LHFPL3: variants seen among roughly 807,000 people sequenced by gnomAD.
The protein encoded by LHFPL3 is LHFPL tetraspan subfamily member 3 protein.
A neutral mutation model predicts 19.3 loss-of-function variants in LHFPL3; 5 were observed. The ratio of observed to expected loss-of-function variants is 0.26; its 90% CI spans 0.14 to 0.54. The LOEUF (loss-of-function observed/expected upper bound fraction) is 0.54. Among genes scored for constraint, LHFPL3 ranks in the 20% least tolerant of loss-of-function variants. The probability of loss-of-function intolerance (pLI) is 0.94; values close to 1 mark genes in which losing one functional copy is unlikely to be tolerated. For missense variants in LHFPL3, 249 were observed against 307.4 expected, an observed-to-expected ratio of 0.81 and a Z score of 1.42; for synonymous variants, 133 against 126.2, an observed-to-expected ratio of 1.05 and a Z score of -0.36.
intron 1 of LHFPL3, among the ~76,000 whole-genome samples, chr7:104,637,405 C>A (rs932104716): frequency 1.3e-5 from 2 of 152,026 alleles, no homozygotes; most frequent in African/African-American, 4.8e-5. Flanking sequence ...TTTGTTAATT[C>A]TTGCTTTTGT....
chr7:104,889,746 C>T (rs187833902), intron 2 of LHFPL3, among the ~76,000 whole-genome samples: 2 of 152,274 alleles, frequency 1.3e-5, no homozygotes, highest in East Asian at 3.8e-4. Flanking sequence ...CAGGAGAACT[C>T]TGGAAAGATT....
chr7:104,632,506 T>A (rs1301003998), intron 1 of LHFPL3, among the ~76,000 whole-genome samples: 1 of 152,258 alleles, frequency 6.6e-6, no homozygotes, highest in Non-Finnish European at 1.5e-5. Flanking sequence ...ATAACCTGAT[T>A]ACATTTTAAA....
chr7:104,768,158 G>C (rs1049252594), intron 2 of LHFPL3, among the ~76,000 whole-genome samples: 1 of 132,158 alleles, frequency 7.6e-6, no homozygotes, highest in Non-Finnish European at 1.6e-5. Context: ...AAAAAAAAAA[G>C]CAAGAACATT....
chr7:104,741,318 A>T (rs866845241), intron 2 of LHFPL3, among the ~76,000 whole-genome samples: 1 of 152,194 alleles, frequency 6.6e-6, no homozygotes, highest in Non-Finnish European at 1.5e-5. Flanking sequence ...TAACATACTT[A>T]AAAAGTACAT....
chr7:104,712,591 A>T (rs1441308480), intron 1 of LHFPL3, among the ~76,000 whole-genome samples: 1 of 152,226 alleles, frequency 6.6e-6, no homozygotes, highest in South Asian at 2.1e-4. Flanking sequence ...CTTTAAAGAT[A>T]GAAGGAGACC....
intron 1 of LHFPL3, among the ~76,000 whole-genome samples, chr7:104,336,063 A>C (rs1410231537): frequency 2.0e-5 from 3 of 152,120 alleles, no homozygotes; most frequent in Non-Finnish European, 4.4e-5. Flanking sequence ...TTTAAAGTGT[A>C]ATTTCCATAA....
chr7:104,872,470 C>T (rs1041978288), intron 2 of LHFPL3, among the ~76,000 whole-genome samples: 3 of 152,006 alleles, frequency 2.0e-5, no homozygotes, highest in Non-Finnish European at 4.4e-5. Context: ...CATGGTGAAA[C>T]CCTGTCTCTA....
At chr7:104,819,770 T>A (rs1285592060) in intron 2 of LHFPL3, among the ~76,000 whole-genome samples, 1 of 152,164 alleles carries the variant, frequency 6.6e-6, no homozygotes, top group African/African-American at 2.4e-5. Context: ...TAACAGGGAT[T>A]CCACACCACA....
At chr7:104,637,224 G>T (rs549768810) in intron 1 of LHFPL3, among the ~76,000 whole-genome samples, 1 of 152,198 alleles carries the variant, frequency 6.6e-6, no homozygotes, top group East Asian at 1.9e-4. Context: ...TTTTAATGGG[G>T]TTGTTTGGTT....
chr7:104,563,253 G>T (rs1460243866), intron 1 of LHFPL3, among the ~76,000 whole-genome samples: 1 of 152,272 alleles, frequency 6.6e-6, no homozygotes, highest in Non-Finnish European at 1.5e-5. Context: ...AATCAAGCCT[G>T]GGCAATGGCG....
At chr7:104,726,374 A>T (rs1793592733) in intron 1 of LHFPL3, among the ~76,000 whole-genome samples, 1 of 151,708 alleles carries the variant, frequency 6.6e-6, no homozygotes, top group South Asian at 2.1e-4. Context: ...CAGGATGTGC[A>T]GGTTTCTTAC....
intron 1 of LHFPL3, among the ~76,000 whole-genome samples, chr7:104,417,789 G>GT (rs979053057): frequency 6.6e-6 from 1 of 151,900 alleles, no homozygotes; most frequent in Non-Finnish European, 1.5e-5. Context: ...TTGACTCATG[G>GT]TAAGTACACG....
chr7:104,579,978 T>A (rs929058022), intron 1 of LHFPL3, among the ~76,000 whole-genome samples: 1 of 152,186 alleles, frequency 6.6e-6, no homozygotes, highest in Non-Finnish European at 1.5e-5. Flanking sequence ...AATTTAGCTC[T>A]TTGTAATGGA....
chr7:104,686,738 C>T (rs920197987), intron 1 of LHFPL3, among the ~76,000 whole-genome samples: 34 of 152,150 alleles, frequency 2.2e-4, no homozygotes, highest in African/African-American at 7.2e-4. Flanking sequence ...TTTATTTTCA[C>T]GCTGCTATGA....
chr7:104,352,942 G>C (rs1035775802), intron 1 of LHFPL3, among the ~76,000 whole-genome samples: 1 of 152,170 alleles, frequency 6.6e-6, no homozygotes, highest in Non-Finnish European at 1.5e-5. Flanking sequence ...AGCTGAGATT[G>C]AGTGAATTTC....
chr7:104,856,240 ATTTTTTTTTTTTTT>A (rs750683276), intron 2 of LHFPL3, among the ~76,000 whole-genome samples: 4 of 68,872 alleles, frequency 5.8e-5, no homozygotes, highest in Admixed American at 2.2e-4. Flanking sequence ...GTCCCAGGAA[ATTTTTTTTTTTTTT>A]TTTTTTTTTT....
chr7:104,627,499 G>C (rs1021875178), intron 1 of LHFPL3, among the ~76,000 whole-genome samples: 4 of 152,112 alleles, frequency 2.6e-5, no homozygotes, highest in African/African-American at 9.7e-5. Flanking sequence ...TTATAGGAGA[G>C]AGTCTTCTCC....
At chr7:104,515,313 A>G (rs1397348454) in intron 1 of LHFPL3, among the ~76,000 whole-genome samples, 1 of 152,176 alleles carries the variant, frequency 6.6e-6, no homozygotes, top group East Asian at 1.9e-4. Flanking sequence ...CATGTTTAAT[A>G]TTCTGCACTA....
At chr7:104,355,915 A>AT (rs1382364274) in intron 1 of LHFPL3, among the ~76,000 whole-genome samples, 6 of 152,232 alleles carry the variant, frequency 3.9e-5, no homozygotes, top group Non-Finnish European at 8.8e-5. Flanking sequence ...ACAGATTCTC[A>AT]TTTTAATAAG....
Sources: gnomAD v4.1 joint callset for allele counts (sites outside exome capture counted in the v4.1 genomes callset) on GRCh38, gnomAD v4.1.1 for gene constraint, MANE v1.5 for transcripts, NCBI Gene and HGNC (gene_info 2026-07-23, HGNC 2026-07-21) for gene names.